PLCL2: variants seen among roughly 807,000 people sequenced by gnomAD.
PLCL2 encodes phospholipase C like 2, also known as inactive phospholipase C-like protein 2.
PLCL2 carries 4 observed loss-of-function variants against 79.6 expected under a neutral mutation model. The observed-to-expected ratio is 0.05, with a 90% CI of 0.02 to 0.11. PLCL2 has a LOEUF of 0.11. PLCL2 is among the 10% of genes least tolerant of loss of function. The pLI is 1.00. For missense variants in PLCL2, 895 were observed against 1,291.0 expected (o/e 0.69, Z 4.70); for synonymous variants, 484 against 457.7 (o/e 1.06, Z -0.73).
chr3:16,998,317 A>C (rs893548274), intron 1 of PLCL2, among the ~76,000 whole-genome samples: 6 of 152,242 alleles, frequency 3.9e-5, no homozygotes, highest in Admixed American at 2.6e-4. Flanking sequence ...ATGTGATTCA[A>C]CTTGCATACC....
At chr3:17,081,382 C>T in intron 5 of PLCL2, 1 of 381,150 alleles carries the variant, frequency 2.6e-6, no homozygotes, top group Non-Finnish European at 5.3e-6. Flanking sequence ...TGGCAGAGGG[C>T]AGGGGAAGTC....
intron 1 of PLCL2, among the ~76,000 whole-genome samples, chr3:16,901,249 A>G (rs994314982): frequency 4.6e-5 from 7 of 152,232 alleles, no homozygotes; most frequent in African/African-American, 1.7e-4. Flanking sequence ...TTCAAGAGTT[A>G]CATGGAAGGG....
intron 1 of PLCL2, among the ~76,000 whole-genome samples, chr3:17,000,565 C>A (rs146699763): frequency 0.012 from 1,764 of 152,006 alleles, 30 homozygotes; most frequent in Admixed American, 0.047. Flanking sequence ...ACCCATTAAC[C>A]ATCTTCTCTT....
chr3:16,991,271 C>T (rs559335456), intron 1 of PLCL2, among the ~76,000 whole-genome samples: 19 of 152,306 alleles, frequency 1.2e-4, no homozygotes, highest in African/African-American at 4.3e-4. Flanking sequence ...ATAGGTCCTG[C>T]TTCACAGAGT....
At chr3:16,930,823 A>T (rs765873827) in intron 1 of PLCL2, among the ~76,000 whole-genome samples, 3 of 152,198 alleles carry the variant, frequency 2.0e-5, no homozygotes, top group Admixed American at 6.5e-5. Flanking sequence ...CTCCTGCATG[A>T]GTTCCTATGT....
rs544913754 is a variant in PLCL2 at position 17,027,247 on chromosome 3, CAT to C, written c.3018+12337_3018+12338del. On this transcript the variant is annotated intron_variant, in intron 3 of 5. Transcript: ENST00000615277. Reference sequence around the variant, plus strand: ...ATTTTAGAGGAGGAGCTGAGAAACACATGTTTCTGTATAGTCTGAAAGCTGAG... The same window carrying C: ...ATTTTAGAGGAGGAGCTGAGAAACACGTTTCTGTATAGTCTGAAAGCTGAG... Among the ~76,000 whole-genome samples the C allele has an allele frequency of 1.4e-4, 22 of 152,268 alleles. No homozygotes were observed. The East Asian group carries it at 3.9e-3, about 27-fold the overall frequency.
In PLCL2 at chr3:17,009,800, G is replaced by T. The variant is rs141837634; in HGVS notation, c.454G>T (p.Val152Phe). 14 of 1,613,730 alleles carry T rather than the reference G, an allele frequency of 8.7e-6. No individual in the cohort carries two copies. Among genetic ancestry groups the T allele is most frequent in the Middle Eastern group, 1.6e-4 (1 of 6,084 alleles). The change falls in exon 2 of 6, where the codon GTT becomes TTT. Residue 152 changes from valine (V) to phenylalanine (F), a missense_variant. By Grantham distance (50) the Val-to-Phe change is conservative. Around this residue, in one of 6 missense-constraint regions of PLCL2, gnomAD observed 129 missense variants for 208.8 expected, o/e 0.62. Transcript: ENST00000615277. The surrounding 1 kb of genome is among the most constrained non-coding windows in gnomAD (Gnocchi z 4.0). ...GGTTGAGGGTTCAGAACTCAAAAAGGTTCGCTCCAACTCTAGAATTTATCA... is the reference window on the plus strand; with the variant it reads ...GGTTGAGGGTTCAGAACTCAAAAAGTTTCGCTCCAACTCTAGAATTTATCA... Reference protein sequence around the residue: ...SMVEGSELKKVRSNSRIYHRY... With the variant: ...SMVEGSELKKFRSNSRIYHRY...
intron 3 of PLCL2, among the ~76,000 whole-genome samples, chr3:17,021,134 T>G (rs2064446905): frequency 6.6e-6 from 1 of 152,092 alleles, no homozygotes; most frequent in Admixed American, 6.6e-5. Context: ...ATATTGTGCT[T>G]TGGGATAAGA....
At chr3:16,927,249 C>T (rs1280548947) in intron 1 of PLCL2, among the ~76,000 whole-genome samples, 5 of 152,032 alleles carry the variant, frequency 3.3e-5, no homozygotes, top group African/African-American at 1.2e-4. Context: ...TGTCACATTT[C>T]TCTTTAATTT....
chr3:17,068,887 A>AT (rs1374412972), intron 5 of PLCL2, among the ~76,000 whole-genome samples: 1 of 152,188 alleles, frequency 6.6e-6, no homozygotes, highest in Admixed American at 6.5e-5. Context: ...AATAATAATA[A>AT]CACAGAGGTT....
At position 17,068,069 on chromosome 3, in the gene PLCL2, T is replaced by C; in HGVS notation, c.3204+4T>C. On this transcript the variant is annotated splice_donor_region_variant and intron_variant, in intron 5 of 5. Transcript: ENST00000615277. Reference sequence around the variant, plus strand: ...CTGGAATATTACCATCTTAAAGGTATCTATAGAGTTGTTTCTGATGCTGGT... The same window carrying C: ...CTGGAATATTACCATCTTAAAGGTACCTATAGAGTTGTTTCTGATGCTGGT... The C allele has an allele frequency of 1.3e-6, 2 of 1,507,698 alleles. No homozygotes were observed. The highest frequency in any genetic ancestry group is 1.7e-4 in the Middle Eastern group (1 of 5,860). 93.4% of individuals were successfully genotyped at this position (1,507,698 alleles called of 1,614,324 possible).
chr3:17,025,214 T>G (rs1417390255), intron 3 of PLCL2, among the ~76,000 whole-genome samples: 2 of 152,206 alleles, frequency 1.3e-5, no homozygotes, highest in African/African-American at 4.8e-5. Flanking sequence ...TTTAGAATCC[T>G]TATGTTCTTG....
rs1696251650 is a variant in PLCL2 at position 16,887,454 on chromosome 3, A to G, written c.327+2088A>G. Among the ~76,000 whole-genome samples the G allele has an allele frequency of 6.6e-6, 1 of 152,222 alleles. No individual in the cohort carries two copies. The highest frequency in any genetic ancestry group is 2.4e-5 in the African/African-American group (1 of 41,460). ...GTTCATTGTATTGTACCTCCAAAGA[A>G]GGCTTGACATACTCCTTTTTCTTGC... On this transcript the variant is annotated intron_variant, in intron 1 of 5. Transcript: ENST00000615277. The surrounding 1 kb of genome is among the most constrained non-coding windows in gnomAD (Gnocchi z 4.1).
At chr3:17,082,423 C>T (rs1225811915) in intron 5 of PLCL2, among the ~76,000 whole-genome samples, 3 of 152,054 alleles carry the variant, frequency 2.0e-5, no homozygotes, top group East Asian at 1.9e-4. Context: ...TGAGCCACCG[C>T]GCCTGGCCAG....
chr3:17,026,630 CT>C (rs2064519987), intron 3 of PLCL2, among the ~76,000 whole-genome samples: 1 of 152,138 alleles, frequency 6.6e-6, no homozygotes, highest in Admixed American at 6.5e-5. Context: ...AATCCCAGCA[CT>C]TTGGGAGGCC....
At chr3:16,980,449 A>T (rs2063977598) in intron 1 of PLCL2, among the ~76,000 whole-genome samples, 1 of 144,406 alleles carries the variant, frequency 6.9e-6, no homozygotes, top group South Asian at 2.2e-4. Flanking sequence ...GGGTCTCCTC[A>T]CTTCTCAGAC....
In PLCL2 at chr3:16,959,553, G is replaced by C. The variant is rs1439865705; in HGVS notation, c.328-50121G>C. Among the ~76,000 whole-genome samples the C allele has an allele frequency of 2.0e-5, 3 of 151,844 alleles. No individual in the cohort carries two copies. The East Asian group carries it at 5.8e-4, about 30-fold the overall frequency. On this transcript the variant is annotated intron_variant, in intron 1 of 5. Transcript: ENST00000615277. Reference sequence around the variant, plus strand: ...TGGTTGCTTTTCCTTCTCTCTGACTGCGTGCATCACCTTCCCTCAGGAAGA... The same window carrying C: ...TGGTTGCTTTTCCTTCTCTCTGACTCCGTGCATCACCTTCCCTCAGGAAGA...
At chr3:16,994,998 C>T (rs2064139627) in intron 1 of PLCL2, among the ~76,000 whole-genome samples, 1 of 152,236 alleles carries the variant, frequency 6.6e-6, no homozygotes, top group African/African-American at 2.4e-5. Flanking sequence ...GAGCACAGGC[C>T]AGTGCCTGCA....
chr3:16,938,447 G>A (rs1335774185), intron 1 of PLCL2, among the ~76,000 whole-genome samples: 2 of 152,082 alleles, frequency 1.3e-5, no homozygotes, highest in African/African-American at 2.4e-5. Flanking sequence ...TCCTTACCAC[G>A]TTGTATCTGC....
Sources: gnomAD v4.1 joint callset for allele counts (sites outside exome capture counted in the v4.1 genomes callset) on GRCh38, gnomAD v4.1.1 for gene constraint, gnomAD v4.1.1 regional missense constraint, Gnocchi (gnomAD v3.1) non-coding constraint, MANE v1.5 for transcripts, NCBI Gene and HGNC (gene_info 2026-07-23, HGNC 2026-07-21) for gene names.